Variants in BTBD8 observed in about 807,000 individuals in gnomAD.
The protein encoded by BTBD8 is BTB domain containing 8.
In BTBD8, 110 loss-of-function variants were observed where a neutral mutation model predicts 162.9. The observed-to-expected ratio is 0.68, with a 90% CI of 0.58 to 0.79. The LOEUF is 0.79. BTBD8 is among the 30% of genes least tolerant of loss of function. BTBD8 has a pLI of 0.00. For synonymous variants in BTBD8, 667 were observed against 716.1 expected, an observed-to-expected ratio of 0.93 and a Z score of 1.10; for missense variants, 1,905 against 2,085.4, an observed-to-expected ratio of 0.91 and a Z score of 1.68.
chr1:92,162,662 A>G (rs979207453), intron 9 of BTBD8, among the ~76,000 whole-genome samples: 6 of 152,194 alleles, frequency 3.9e-5, no homozygotes, highest in Non-Finnish European at 7.3e-5. Context: ...GCTAGAAAAT[A>G]CACCCTTGAA....
At chr1:92,140,089 A>G (rs1649736719) in intron 6 of BTBD8, 1 of 143,410 alleles carries the variant, frequency 7.0e-6, no homozygotes, top group African/African-American at 2.6e-5. Flanking sequence ...CAGCCTGGTG[A>G]TAGAGCGAGA....
In BTBD8 at chr1:92,180,850, T is replaced by G; in HGVS notation, c.3167T>G (p.Phe1056Cys). 2 of 1,551,476 alleles carry G rather than the reference T, an allele frequency of 1.3e-6. No homozygotes were observed. Among genetic ancestry groups the G allele is most frequent in the South Asian group, 1.2e-5 (1 of 84,024 alleles). Residue 1056 changes from phenylalanine (F) to cysteine (C), a missense_variant, in exon 17 of 18, where the codon TTT becomes TGT. Phe to Cys is a radical substitution (Grantham distance 205, BLOSUM62 -2). This residue lies in a region of BTBD8 where 1,374 missense variants were observed against 1,442.7 expected (regional missense o/e 0.95). Coordinates refer to ENST00000636805, the MANE Select transcript of BTBD8 (RefSeq NM_001376131.1). ...QICLDKSETK[F>C]PNHKETDDCD... ...TGTTTAGATAAAAGTGAAACAAAAT[T>G]TCCCAATCACAAAGAAACAGATGAT... is the stretch of plus-strand genomic sequence containing the variant.
Position 92,169,199 on chromosome 1 carries a change from T to TCA in BTBD8, c.1573+204_1573+205insCA, listed in dbSNP as rs536431300. The stretch of plus-strand genomic sequence containing the variant: ...TCTTAGAAAATGAAACTCATTTCCT[T>TCA]TATATATATATATGTTTCTAATCTT... On this transcript the variant is annotated intron_variant, in intron 12 of 17. Coordinates refer to ENST00000636805, the MANE Select transcript of BTBD8 (RefSeq NM_001376131.1). Among the ~76,000 whole-genome samples the TCA allele has an allele frequency of 3.2e-3, 489 of 151,816 alleles. 3 individuals are homozygous for TCA. Among genetic ancestry groups the TCA allele is most frequent in the Non-Finnish European group, 6.0e-3 (409 of 67,862 alleles).
intron 2 of BTBD8, among the ~76,000 whole-genome samples, chr1:92,096,678 C>T (rs1230000260): frequency 1.3e-5 from 2 of 151,796 alleles, no homozygotes; most frequent in Non-Finnish European, 2.9e-5. Flanking sequence ...GCTGGGACTA[C>T]AGGTGCATGC....
chr1:92,126,880 G>A (rs1253107485), intron 4 of BTBD8, among the ~76,000 whole-genome samples: 2 of 152,082 alleles, frequency 1.3e-5, no homozygotes, highest in Admixed American at 6.6e-5. Context: ...TTTCTTTACA[G>A]AATAAATGAT....
chr1:92,101,134 A>C (rs1352329026), intron 2 of BTBD8, among the ~76,000 whole-genome samples: 2 of 152,112 alleles, frequency 1.3e-5, no homozygotes, highest in African/African-American at 4.8e-5. Context: ...ATGTCTTTGC[A>C]TCCTCATAGC....
chr1:92,116,548 A>G (rs1649046853), intron 4 of BTBD8, among the ~76,000 whole-genome samples: 1 of 151,968 alleles, frequency 6.6e-6, no homozygotes, highest in Non-Finnish European at 1.5e-5. Context: ...ATTTCTTCAT[A>G]ATGAATTGAG....
At chr1:92,144,810 T>C (rs200794086) in intron 7 of BTBD8, among the ~76,000 whole-genome samples, 2 of 140,744 alleles carry the variant, frequency 1.4e-5, no homozygotes, top group South Asian at 2.2e-4. Flanking sequence ...AAAAAAAAAC[T>C]ACACACACAC....
chr1:92,120,260 A>G (rs1426177546), intron 4 of BTBD8, among the ~76,000 whole-genome samples: 1 of 152,198 alleles, frequency 6.6e-6, no homozygotes, highest in Non-Finnish European at 1.5e-5. Flanking sequence ...AGACAGAAGC[A>G]AACACATTAC....
intron 4 of BTBD8, among the ~76,000 whole-genome samples, chr1:92,117,431 G>T (rs1331487550): frequency 1.3e-5 from 2 of 151,512 alleles, no homozygotes; most frequent in African/African-American, 4.9e-5. Context: ...TTTTGTTAGG[G>T]TGCATCTAGG....
chr1:92,122,215 C>G (rs1263731860), intron 4 of BTBD8, among the ~76,000 whole-genome samples: 1 of 151,844 alleles, frequency 6.6e-6, no homozygotes, highest in Non-Finnish European at 1.5e-5. Context: ...TATTCATTCT[C>G]CTGTTGATGG....
intron 13 of BTBD8, among the ~76,000 whole-genome samples, chr1:92,173,503 C>G (rs982141605): frequency 9.2e-5 from 14 of 152,168 alleles, no homozygotes; most frequent in African/African-American, 3.4e-4. Context: ...CTATCCCCTG[C>G]TACTCACCAG....
intron 4 of BTBD8, among the ~76,000 whole-genome samples, chr1:92,110,571 G>A (rs1648860839): frequency 6.6e-6 from 1 of 152,168 alleles, no homozygotes; most frequent in Admixed American, 6.5e-5. Flanking sequence ...CTTCCTGCCT[G>A]AAATGCTCTC....
chr1:92,090,665 C>A (rs1648271675), intron 2 of BTBD8, among the ~76,000 whole-genome samples: 1 of 152,172 alleles, frequency 6.6e-6, no homozygotes, highest in African/African-American at 2.4e-5. Context: ...TGCGATGGCT[C>A]ACACCTGTGA....
chr1:92,144,260 C>T (rs998467987), intron 7 of BTBD8, among the ~76,000 whole-genome samples: 17 of 152,006 alleles, frequency 1.1e-4, no homozygotes, highest in African/African-American at 3.9e-4. Flanking sequence ...AGGAGTGAGC[C>T]ACTGTGCCCA....
chr1:92,098,350 G>A (rs1171879755), intron 2 of BTBD8, among the ~76,000 whole-genome samples: 3 of 151,846 alleles, frequency 2.0e-5, no homozygotes, highest in Admixed American at 6.6e-5. Flanking sequence ...GGGTTATTTC[G>A]GCTTTTTGGC....
intron 4 of BTBD8, among the ~76,000 whole-genome samples, chr1:92,113,190 C>G (rs1289679631): frequency 6.6e-6 from 1 of 152,158 alleles, no homozygotes; most frequent in Non-Finnish European, 1.5e-5. Context: ...TATTTTTAAA[C>G]CTGAGGCATG....
rs917710763 is a variant in BTBD8, at chr1:92,169,209, A to G, written c.1573+214A>G. Reference sequence around the variant, plus strand: ...TGAAACTCATTTCCTTTATATATATATATGTTTCTAATCTTACTATACATT... The same window carrying G: ...TGAAACTCATTTCCTTTATATATATGTATGTTTCTAATCTTACTATACATT... On this transcript the variant is annotated intron_variant, in intron 12 of 17. Transcript: ENST00000636805. Among the ~76,000 whole-genome samples the G allele has an allele frequency of 3.9e-5, 6 of 152,296 alleles. No individual in the cohort carries two copies. The East Asian group carries it at 5.8e-4, about 15-fold the overall frequency.
At chr1:92,107,680 A>G (rs1648770224) in intron 3 of BTBD8, among the ~76,000 whole-genome samples, 2 of 152,252 alleles carry the variant, frequency 1.3e-5, no homozygotes, top group Non-Finnish European at 2.9e-5. Context: ...GACTATATCT[A>G]TATTTACATG....
Sources: gnomAD v4.1 joint callset for allele counts (sites outside exome capture counted in the v4.1 genomes callset) on GRCh38, gnomAD v4.1.1 for gene constraint, gnomAD v4.1.1 regional missense constraint, MANE v1.5 for transcripts, NCBI Gene and HGNC (gene_info 2026-07-23, HGNC 2026-07-21) for gene names.